Variants in SGCD observed in about 807,000 individuals in gnomAD.
The protein encoded by SGCD is sarcoglycan delta, also known as delta-sarcoglycan.
Under a neutral mutation model 36.6 loss-of-function variants are expected in SGCD, and 18 were observed. That is an observed-to-expected ratio of 0.49 (90% CI 0.34 to 0.73). SGCD has a LOEUF of 0.73. SGCD is among the 30% of genes least tolerant of loss of function. The pLI is 0.01. For synonymous variants in SGCD, 133 were observed against 130.6 expected, an observed-to-expected ratio of 1.02 and a Z score of -0.12; for missense variants, 387 against 346.7, an observed-to-expected ratio of 1.12 and a Z score of -0.92.
At chr5:156,656,887 G>T (rs116647836) in intron 7 of SGCD, among the ~76,000 whole-genome samples, 2,647 of 152,170 alleles carry the variant, frequency 0.017, 29 homozygotes, top group Non-Finnish European at 0.028. Context: ...ATCCTGTAGG[G>T]TTTCTTTTTG....
rs117252319 is a variant in SGCD at position 156,225,988 on chromosome 5, G to T, written c.-44+101969G>T. ...TGTTGGGCATATGGATAATTTACTGGAAATCATTTTGTGTGCAAGTATTAG... is the reference window on the plus strand; with the variant it reads ...TGTTGGGCATATGGATAATTTACTGTAAATCATTTTGTGTGCAAGTATTAG... On this transcript the variant is annotated intron_variant, in intron 3 of 9. Coordinates refer to the SGCD transcript ENST00000517913. Among the ~76,000 whole-genome samples, 138 of 152,172 alleles carry T rather than the reference G, an allele frequency of 9.1e-4. 2 individuals are homozygous for T. The East Asian group carries it at 0.022, about 24-fold the overall frequency.
chr5:156,747,367 G>T (rs1418929034), intron 7 of SGCD, among the ~76,000 whole-genome samples: 1 of 152,196 alleles, frequency 6.6e-6, no homozygotes, highest in Non-Finnish European at 1.5e-5. Flanking sequence ...CAGGAATCAG[G>T]TGCAGCTTAG....
intron 1 of SGCD, among the ~76,000 whole-genome samples, chr5:156,089,658 C>T (rs1368775302): frequency 6.6e-6 from 1 of 152,192 alleles, no homozygotes; most frequent in Non-Finnish European, 1.5e-5. Context: ...ACCTGTTTGT[C>T]CTCAAAATGG....
In SGCD at chr5:156,706,256, T is replaced by C. The variant is rs544702893; in HGVS notation, c.576-51325T>C. Among the ~76,000 whole-genome samples the C allele has an allele frequency of 5.9e-5, 9 of 152,308 alleles. No homozygotes were observed. The South Asian group carries it at 1.0e-3, about 18-fold the overall frequency. On this transcript the variant is annotated intron_variant, in intron 7 of 8. Transcript: ENST00000337851. ...CAGTTAATTCAAGACATCACTGTCT[T>C]GTCATCTCACTCTGATTGTTTATCT...
At chr5:155,772,261 C>G in the SGCD span, among the ~76,000 whole-genome samples, 3,013 of 152,256 alleles carry the variant, frequency 0.02, 97 homozygotes, top group African/African-American at 0.069. Context: ...CACAAAGCAA[C>G]AAATGTTGGC....
chr5:155,853,055 AAGAGTTTT>A, the SGCD span, among the ~76,000 whole-genome samples: 1 of 152,004 alleles, frequency 6.6e-6, no homozygotes, highest in Non-Finnish European at 1.5e-5. Context: ...CTAAGACTGG[AAGAGTTTT>A]AGTTATAATA....
chr5:155,799,396 A>ATTTT, the SGCD span, among the ~76,000 whole-genome samples: 1 of 124,798 alleles, frequency 8.0e-6, no homozygotes, highest in Non-Finnish European at 1.6e-5. Context: ...CAATGACTTT[A>ATTTT]TTTTTTTTTT....
At chr5:156,377,560 G>A (rs1240462340) in intron 3 of SGCD, among the ~76,000 whole-genome samples, 1 of 152,166 alleles carries the variant, frequency 6.6e-6, no homozygotes, top group African/African-American at 2.4e-5. Flanking sequence ...TGAATTCAGA[G>A]AGCCTAGTGC....
chr5:156,126,932 A>T (rs575834949), intron 3 of SGCD, among the ~76,000 whole-genome samples: 57 of 152,302 alleles, frequency 3.7e-4, no homozygotes, highest in African/African-American at 1.3e-3. Context: ...CTTCTTGGAG[A>T]AAGGTCCAGA....
intron 3 of SGCD, among the ~76,000 whole-genome samples, chr5:156,315,949 T>A (rs922975796): frequency 6.6e-6 from 1 of 151,888 alleles, no homozygotes; most frequent in African/African-American, 2.4e-5. Context: ...TAACCCCTTA[T>A]CAAATATATG....
At chr5:156,346,523 C>T (rs1254147135) in intron 3 of SGCD, among the ~76,000 whole-genome samples, 2 of 152,128 alleles carry the variant, frequency 1.3e-5, no homozygotes, top group Non-Finnish European at 2.9e-5. Flanking sequence ...TGGTCTCAAA[C>T]TCCTGACCTC....
At chr5:156,108,087 C>G (rs537809203) in intron 1 of SGCD, among the ~76,000 whole-genome samples, 59 of 152,132 alleles carry the variant, frequency 3.9e-4, no homozygotes, top group African/African-American at 1.2e-3. Context: ...ATATTGTTGG[C>G]CATTTAAGAG....
At chr5:156,198,199 T>TA (rs1764064914) in intron 3 of SGCD, among the ~76,000 whole-genome samples, 1 of 152,004 alleles carries the variant, frequency 6.6e-6, no homozygotes, top group African/African-American at 2.4e-5. Flanking sequence ...AAGGAGACAT[T>TA]AAAAAAAGAT....
intron 1 of SGCD, among the ~76,000 whole-genome samples, chr5:156,018,286 T>G (rs1759027669): frequency 6.6e-6 from 1 of 152,212 alleles, no homozygotes. Context: ...TCTTTAGTAC[T>G]CCATCATTAA....
the SGCD span, among the ~76,000 whole-genome samples, chr5:155,836,934 T>G: frequency 6.6e-6 from 1 of 152,070 alleles, no homozygotes; most frequent in African/African-American, 2.4e-5. Context: ...AAAAGGAGTT[T>G]GGGTGAAAAC....
the SGCD span, among the ~76,000 whole-genome samples, chr5:155,753,062 G>T: frequency 6.6e-6 from 1 of 152,242 alleles, no homozygotes; most frequent in East Asian, 1.9e-4. Flanking sequence ...TCTCGGCCGG[G>T]CGCAGTGGCT....
At chr5:156,234,190 A>G (rs1765096029) in intron 3 of SGCD, among the ~76,000 whole-genome samples, 1 of 152,062 alleles carries the variant, frequency 6.6e-6, no homozygotes, top group Non-Finnish European at 1.5e-5. Context: ...CTTTGGTGAG[A>G]TGTTTATTTA....
chr5:156,229,275 T>TAC (rs772291105), intron 3 of SGCD, among the ~76,000 whole-genome samples: 726 of 54,822 alleles, frequency 0.013, 33 homozygotes, highest in African/African-American at 0.019. Flanking sequence ...TATATATACA[T>TAC]ACATATATAT....
chr5:155,826,634 T>C, the SGCD span, among the ~76,000 whole-genome samples: 1 of 152,218 alleles, frequency 6.6e-6, no homozygotes, highest in East Asian at 1.9e-4. Flanking sequence ...CTTCTTCAGG[T>C]AGATCTTCCC....
Sources: gnomAD v4.1 joint callset for allele counts (sites outside exome capture counted in the v4.1 genomes callset) on GRCh38, gnomAD v4.1.1 for gene constraint, MANE v1.5 for transcripts, NCBI Gene and HGNC (gene_info 2026-07-23, HGNC 2026-07-21) for gene names.